The following LARGE1 variants were observed in gnomAD, a reference collection of about 807,000 sequenced individuals.
LARGE1 encodes LARGE xylosyl- and glucuronyltransferase 1, also known as xylosyl- and glucuronyltransferase LARGE1.
LARGE1 carries 43 observed loss-of-function variants against 87.6 expected under a neutral mutation model. The ratio of observed to expected loss-of-function variants is 0.49; its 90% CI spans 0.38 to 0.63. LARGE1 has a LOEUF of 0.63. LARGE1 is among the 30% of genes least tolerant of loss of function. The pLI, the probability that LARGE1 is intolerant of heterozygous loss-of-function variation, is 0.00. For synonymous variants in LARGE1, 434 were observed against 394.6 expected (o/e 1.10, Z -1.18); for missense variants, 802 against 1,000.2 (o/e 0.80, Z 2.67).
intron 6 of LARGE1, among the ~76,000 whole-genome samples, chr22:33,561,346 G>C (rs1432253473): frequency 6.6e-6 from 1 of 152,196 alleles, no homozygotes; most frequent in Non-Finnish European, 1.5e-5. Context: ...GCTCCCAGTG[G>C]CAGAGTAGTT....
intron 1 of LARGE1, among the ~76,000 whole-genome samples, chr22:33,863,497 T>C (rs1228321361): frequency 6.6e-6 from 1 of 151,722 alleles, no homozygotes; most frequent in Non-Finnish European, 1.5e-5. Context: ...CAGTGGCTCA[T>C]GCCTGTAATC....
At position 33,549,924 on chromosome 22, in the gene LARGE1, G is replaced by A. The variant is rs539603357; in HGVS notation, c.787+14924C>T. 9.2e-5 allele frequency among the ~76,000 whole-genome samples: 14 copies of A among 152,220 alleles called. No homozygotes were observed. The South Asian group carries it at 1.2e-3, about 14-fold the overall frequency. ...TCATCCATGTTGCTACAAAGGACACGAACTCACCCTTTGTTTACGGCTGCA... is the reference window on the plus strand; with the variant it reads ...TCATCCATGTTGCTACAAAGGACACAAACTCACCCTTTGTTTACGGCTGCA... On this transcript the variant is annotated intron_variant, in intron 6 of 14. Transcript: ENST00000397394.
chr22:33,915,263 C>T (rs2065753857), intron 1 of LARGE1, among the ~76,000 whole-genome samples: 1 of 152,164 alleles, frequency 6.6e-6, no homozygotes, highest in Non-Finnish European at 1.5e-5. Flanking sequence ...CACACATGCC[C>T]ACCTACCCTC....
intron 11 of LARGE1, among the ~76,000 whole-genome samples, chr22:33,232,891 T>G (rs145372183): frequency 7.9e-4 from 121 of 152,296 alleles, no homozygotes; most frequent in Non-Finnish European, 1.5e-3. Flanking sequence ...AGAAAATGAC[T>G]GCACACCAAA....
intron 9 of LARGE1, among the ~76,000 whole-genome samples, chr22:33,374,907 T>G (rs966864535): frequency 9.9e-5 from 15 of 152,220 alleles, no homozygotes; most frequent in African/African-American, 3.1e-4. Context: ...CTATTCTAAG[T>G]TTTTATCCAC....
At chr22:33,564,292 C>T (rs1420530872) in intron 6 of LARGE1, among the ~76,000 whole-genome samples, 1 of 152,096 alleles carries the variant, frequency 6.6e-6, no homozygotes, top group African/African-American at 2.4e-5. Flanking sequence ...CTCACAATTT[C>T]CCCCTAGGTA....
chr22:33,920,975 C>T (rs904848631), upstream of LARGE1, among the ~76,000 whole-genome samples: 31 of 149,666 alleles, frequency 2.1e-4, no homozygotes, highest in African/African-American at 7.0e-4. Context: ...TCCGCGTGCC[C>T]AGAGCGCCGG....
chr22:33,167,692 G>A (rs150035247), intron 11 of LARGE1, among the ~76,000 whole-genome samples: 2 of 152,164 alleles, frequency 1.3e-5, no homozygotes, highest in Non-Finnish European at 2.9e-5. Context: ...CCAAGAATCC[G>A]AGTTCTTAAC....
intron 7 of LARGE1, among the ~76,000 whole-genome samples, chr22:33,392,105 C>A (rs2065549520): frequency 1.3e-5 from 2 of 151,816 alleles, no homozygotes; most frequent in South Asian, 2.1e-4. Context: ...ATCCTCACAT[C>A]CTCAGAGTGA....
At chr22:33,106,872 T>C in the LARGE1 span, among the ~76,000 whole-genome samples, 9 of 152,150 alleles carry the variant, frequency 5.9e-5, no homozygotes, top group South Asian at 4.1e-4. Context: ...CTCAGTGAAG[T>C]TTTATTGAGA....
the LARGE1 span, among the ~76,000 whole-genome samples, chr22:33,097,010 G>T: frequency 6.6e-6 from 1 of 152,246 alleles, no homozygotes; most frequent in Non-Finnish European, 1.5e-5. Context: ...GAGACTTCTT[G>T]TGCTGGAATT....
intron 9 of LARGE1, among the ~76,000 whole-genome samples, chr22:33,346,592 C>T (rs966983076): frequency 2.0e-5 from 3 of 152,146 alleles, no homozygotes; most frequent in Non-Finnish European, 2.9e-5. Context: ...CATGAGCCTC[C>T]GCGCCTGGCC....
chr22:33,612,497 G>A (rs771700332), intron 4 of LARGE1, among the ~76,000 whole-genome samples: 5 of 152,212 alleles, frequency 3.3e-5, no homozygotes, highest in Non-Finnish European at 7.3e-5. Context: ...TTCTGGATAT[G>A]TGGGTTGCCT....
At chr22:33,535,321 A>G (rs2077010389) in intron 6 of LARGE1, among the ~76,000 whole-genome samples, 1 of 152,148 alleles carries the variant, frequency 6.6e-6, no homozygotes, top group Admixed American at 6.5e-5. Flanking sequence ...AGGTGGGTGG[A>G]TCTCCGGAGG....
chr22:33,621,058 G>A (rs958171018), intron 4 of LARGE1, among the ~76,000 whole-genome samples: 6 of 152,224 alleles, frequency 3.9e-5, no homozygotes, highest in African/African-American at 1.4e-4. Context: ...GCATGTGTGT[G>A]TATACTGAAA....
At chr22:33,390,620 C>T (rs1228841114) in intron 7 of LARGE1, among the ~76,000 whole-genome samples, 1 of 151,816 alleles carries the variant, frequency 6.6e-6, no homozygotes. Context: ...CCAGACACCA[C>T]AGCTGGGCCA....
the LARGE1 span, among the ~76,000 whole-genome samples, chr22:33,133,629 G>A: frequency 0.33 from 50,526 of 152,034 alleles, 8,577 homozygotes; most frequent in South Asian, 0.46. Flanking sequence ...GAATAGTACC[G>A]CAATAAACAT....
At chr22:33,551,437 A>G (rs2077518137) in intron 6 of LARGE1, among the ~76,000 whole-genome samples, 1 of 152,214 alleles carries the variant, frequency 6.6e-6, no homozygotes, top group African/African-American at 2.4e-5. Flanking sequence ...AATGATCATG[A>G]GGCTGCTGCT....
chr22:33,489,125 A>C (rs1160411593), intron 6 of LARGE1, among the ~76,000 whole-genome samples: 1 of 152,238 alleles, frequency 6.6e-6, no homozygotes, highest in Non-Finnish European at 1.5e-5. Flanking sequence ...TGAAGACAAG[A>C]GAATGCAAAG....
Sources: allele counts gnomAD v4.1 joint callset (sites outside exome capture counted in the v4.1 genomes callset), GRCh38; gene constraint gnomAD v4.1.1; transcripts MANE v1.5; gene names NCBI Gene and HGNC (gene_info 2026-07-23, HGNC 2026-07-21).